The following KIF6 variants were observed in gnomAD, a reference collection of about 807,000 sequenced individuals.
The protein encoded by KIF6 is kinesin-like protein KIF6.
KIF6 carries 106 observed loss-of-function variants against 112.7 expected under a neutral mutation model. That is an observed-to-expected ratio of 0.94 (90% CI 0.80 to 1.11). The LOEUF (loss-of-function observed/expected upper bound fraction) is 1.11, where lower values mean the gene tolerates loss of function less well. Ranked by LOEUF, KIF6 falls within the 50% of genes least tolerant of loss-of-function variation. The pLI, the probability that KIF6 is intolerant of heterozygous loss-of-function variation, is 0.00. For missense variants in KIF6, 929 were observed against 964.0 expected, an observed-to-expected ratio of 0.96 and a Z score of 0.48; for synonymous variants, 339 against 339.9, an observed-to-expected ratio of 1.00 and a Z score of 0.03.
chr6:39,520,317 A>AT (rs1417281599), intron 13 of KIF6, among the ~76,000 whole-genome samples: 1 of 152,336 alleles, frequency 6.6e-6, no homozygotes, highest in East Asian at 1.9e-4. Flanking sequence ...AAATAAAATA[A>AT]TTTTTTATCT....
chr6:39,621,140 T>C (rs1038302603), intron 5 of KIF6, among the ~76,000 whole-genome samples: 3 of 151,916 alleles, frequency 2.0e-5, no homozygotes, highest in Admixed American at 2.0e-4. Context: ...TAACCATTCC[T>C]TTATGAGAAT....
At chr6:39,510,872 C>CAAAAAAAA (rs1180631310) in intron 13 of KIF6, among the ~76,000 whole-genome samples, 8 of 23,858 alleles carry the variant, frequency 3.4e-4, no homozygotes, top group African/African-American at 6.3e-4. Context: ...AAATGGGAAG[C>CAAAAAAAA]AAAAAAAAAA....
chr6:39,426,129 C>T (rs1013108982), intron 14 of KIF6, among the ~76,000 whole-genome samples: 1 of 152,202 alleles, frequency 6.6e-6, no homozygotes. Flanking sequence ...CAAAAGAAAG[C>T]TTGCAGTGCC....
At chr6:39,470,492 C>G (rs1774056067) in intron 13 of KIF6, among the ~76,000 whole-genome samples, 1 of 152,064 alleles carries the variant, frequency 6.6e-6, no homozygotes, top group Non-Finnish European at 1.5e-5. Context: ...ATGAAATCTG[C>G]CAGTTGACTG....
Position 39,343,918 on chromosome 6 carries a change from A to C in KIF6, c.2322-103T>G. ...TTTTAGGTGACTGATCTCACTCAGA[A>C]AGCTACATGACACGGCTGGCCTGCT... On this transcript the variant is annotated intron_variant, in intron 21 of 22. Coordinates refer to ENST00000287152, the MANE Select transcript of KIF6 (RefSeq NM_145027.6). This position sits in a 1 kb window ranked among gnomAD's most constrained non-coding sequence, Gnocchi z 4.1. 2 of 641,402 alleles carry C rather than the reference A, an allele frequency of 3.1e-6. No individual in the cohort carries two copies. The highest frequency in any genetic ancestry group is 3.1e-5 in the Admixed American group (1 of 32,134). 39.7% of individuals were successfully genotyped at this position (641,402 alleles called of 1,614,324 possible). A position where few individuals can be genotyped will look rare whatever the true frequency, so the allele number is the denominator to read the frequency against.
intron 7 of KIF6, among the ~76,000 whole-genome samples, chr6:39,591,962 A>T (rs1561844249): frequency 6.6e-6 from 1 of 152,084 alleles, no homozygotes; most frequent in African/African-American, 2.4e-5. Flanking sequence ...AATACAAAAA[A>T]TTAGCCAGGT....
chr6:39,406,646 G>A (rs1280802540), intron 15 of KIF6, among the ~76,000 whole-genome samples: 14 of 152,110 alleles, frequency 9.2e-5, no homozygotes, highest in Admixed American at 9.2e-4. Flanking sequence ...ACAAATTTTG[G>A]TGGATTTTAT....
intron 13 of KIF6, among the ~76,000 whole-genome samples, chr6:39,479,511 A>C (rs1172269934): frequency 6.6e-6 from 1 of 152,154 alleles, no homozygotes; most frequent in East Asian, 1.9e-4. Flanking sequence ...CTTACAGTAT[A>C]GTTTGAAGTC....
Position 39,333,789 on chromosome 6 carries a change from T to A in KIF6, c.*2743A>T, listed in dbSNP as rs2113869639. On this transcript the variant is annotated 3_prime_UTR_variant, in exon 23 of 23. Transcript: ENST00000287152. ...TCCACCCTACTTCTTGTCAAGGGATTGGTAGAGCCAGTTGAATTCTAGCAG... is the reference window on the plus strand; with the variant it reads ...TCCACCCTACTTCTTGTCAAGGGATAGGTAGAGCCAGTTGAATTCTAGCAG... 1 of 152,356 alleles carries A rather than the reference T, an allele frequency of 6.6e-6. No homozygotes were observed. Among genetic ancestry groups the A allele is most frequent in the Non-Finnish European group, 1.5e-5 (1 of 68,032 alleles). 9.4% of individuals were successfully genotyped at this position (152,356 alleles called of 1,614,324 possible). A position where few individuals can be genotyped will look rare whatever the true frequency, so the allele number is the denominator to read the frequency against.
chr6:39,375,331 T>A (rs1766356910), intron 16 of KIF6, among the ~76,000 whole-genome samples: 1 of 152,200 alleles, frequency 6.6e-6, no homozygotes, highest in Non-Finnish European at 1.5e-5. Context: ...TCAAAATTGC[T>A]GGGAGTAAAT....
At chr6:39,427,679 G>A (rs1770869114) in intron 14 of KIF6, among the ~76,000 whole-genome samples, 1 of 152,232 alleles carries the variant, frequency 6.6e-6, no homozygotes. Context: ...AAGGTTGTGT[G>A]AGTTTTAGTT....
chr6:39,694,180 A>C (rs1788391186), intron 3 of KIF6, among the ~76,000 whole-genome samples: 5 of 152,162 alleles, frequency 3.3e-5, no homozygotes. Context: ...AAAATAATAA[A>C]AGCCATCTAT....
intron 13 of KIF6, among the ~76,000 whole-genome samples, chr6:39,535,018 AT>A: frequency 6.6e-6 from 1 of 152,316 alleles, no homozygotes. Flanking sequence ...ATGCTGAGAG[AT>A]TTTGTCACCG....
chr6:39,626,181 C>G (rs979412606), intron 5 of KIF6, among the ~76,000 whole-genome samples: 8 of 152,150 alleles, frequency 5.3e-5, no homozygotes, highest in Non-Finnish European at 1.0e-4. Context: ...TCCAGGGCAT[C>G]TTGTCACTTA....
Position 39,714,705 on chromosome 6 carries a change from G to T in KIF6, c.238C>A (p.Pro80Thr), listed in dbSNP as rs766792837. The T allele has an allele frequency of 6.2e-7, 1 of 1,613,346 alleles. No homozygotes were observed. The highest frequency in any genetic ancestry group is 8.5e-7 in the Non-Finnish European group (1 of 1,179,536). The change falls in exon 3 of 23, where the codon CCA becomes ACA. Residue 80 changes from proline to threonine, a missense_variant. Physicochemically the swap from Pro to Thr is conservative, Grantham distance 38. This residue lies in a region of KIF6 where 688 missense variants were observed against 662.7 expected (regional missense o/e 1.04). Coordinates refer to ENST00000287152, the MANE Select transcript of KIF6 (RefSeq NM_145027.6). ...GGGAAATCCTACCTCCCAGCAACTG[G>T]TTTGGCAATGTTTTCAAAAACGGTC... ...QETVFENIAK[P>T]VAGSVLAGYN...
chr6:39,592,039 G>T (rs527633000), intron 7 of KIF6, among the ~76,000 whole-genome samples: 3 of 152,176 alleles, frequency 2.0e-5, no homozygotes, highest in Non-Finnish European at 4.4e-5. Context: ...AAGAACCCGG[G>T]AGATGGAGGT....
chr6:39,498,968 A>C (rs1775954531), intron 13 of KIF6, among the ~76,000 whole-genome samples: 1 of 152,216 alleles, frequency 6.6e-6, no homozygotes, highest in Non-Finnish European at 1.5e-5. Flanking sequence ...TTTAAAAATA[A>C]ACAGTTGATA....
intron 22 of KIF6, among the ~76,000 whole-genome samples, chr6:39,338,039 CG>C (rs1478787795): frequency 6.6e-6 from 1 of 152,142 alleles, no homozygotes; most frequent in Non-Finnish European, 1.5e-5. Context: ...CAAAACCTGT[CG>C]ATTCATTAGC....
chr6:39,539,028 C>A (rs373094733), intron 13 of KIF6, among the ~76,000 whole-genome samples: 52 of 132,552 alleles, frequency 3.9e-4, no homozygotes, highest in Non-Finnish European at 7.1e-4. Flanking sequence ...GAGAACACAT[C>A]GACACAGGAA....
Sources: gnomAD v4.1 joint callset for allele counts (sites outside exome capture counted in the v4.1 genomes callset) on GRCh38, gnomAD v4.1.1 for gene constraint, gnomAD v4.1.1 regional missense constraint, Gnocchi (gnomAD v3.1) non-coding constraint, MANE v1.5 for transcripts, NCBI Gene and HGNC (gene_info 2026-07-23, HGNC 2026-07-21) for gene names.